Variants in ARHGAP15 observed in about 807,000 individuals in gnomAD.
ARHGAP15 encodes rho GTPase-activating protein 15.
In ARHGAP15, 51 loss-of-function variants were observed where a neutral mutation model predicts 63.7. The ratio of observed to expected loss-of-function variants is 0.80; its 90% CI spans 0.64 to 1.01. ARHGAP15 has a LOEUF of 1.01. Ranked by LOEUF, ARHGAP15 falls within the 50% of genes least tolerant of loss-of-function variation. ARHGAP15 has a pLI of 0.00. For synonymous variants in ARHGAP15, 191 were observed against 193.8 expected, an observed-to-expected ratio of 0.99 and a Z score of 0.12; for missense variants, 560 against 564.6, an observed-to-expected ratio of 0.99 and a Z score of 0.08.
chr2:143,453,797 C>CA (rs1690518809), intron 8 of ARHGAP15, among the ~76,000 whole-genome samples: 1 of 142,530 alleles, frequency 7.0e-6, no homozygotes. Context: ...TTTATCCAAT[C>CA]GGAAAAAAAA....
intron 6 of ARHGAP15, among the ~76,000 whole-genome samples, chr2:143,388,189 A>G (rs950685078): frequency 2.6e-5 from 4 of 152,340 alleles, no homozygotes; most frequent in Non-Finnish European, 5.9e-5. Flanking sequence ...TAATATACAA[A>G]TACATCATTT....
At chr2:143,379,160 A>C (rs187932511) in intron 6 of ARHGAP15, among the ~76,000 whole-genome samples, 42 of 152,074 alleles carry the variant, frequency 2.8e-4, no homozygotes, top group African/African-American at 9.6e-4. Flanking sequence ...GCATGCATAC[A>C]TGCCTTCCAT....
intron 6 of ARHGAP15, among the ~76,000 whole-genome samples, chr2:143,276,828 C>A (rs1039206758): frequency 6.6e-6 from 1 of 152,106 alleles, no homozygotes; most frequent in South Asian, 2.1e-4. Flanking sequence ...AACTTTAGTG[C>A]CTACCATAGT....
chr2:143,722,837 T>A (rs1401822575), intron 13 of ARHGAP15, among the ~76,000 whole-genome samples: 3 of 151,988 alleles, frequency 2.0e-5, no homozygotes, highest in Non-Finnish European at 4.4e-5. Context: ...GAGACCTGAG[T>A]GCAGGGTGGG....
chr2:143,269,240 C>G (rs1408514783), intron 6 of ARHGAP15, among the ~76,000 whole-genome samples: 2 of 151,970 alleles, frequency 1.3e-5, no homozygotes, highest in Non-Finnish European at 2.9e-5. Flanking sequence ...GGAGAGCGGT[C>G]AGAGATAAAG....
At chr2:143,586,084 C>T (rs1005623332) in intron 11 of ARHGAP15, among the ~76,000 whole-genome samples, 3 of 152,100 alleles carry the variant, frequency 2.0e-5, no homozygotes, top group African/African-American at 7.2e-5. Flanking sequence ...AAATTTTGCA[C>T]ACTTTTTCAT....
intron 13 of ARHGAP15, among the ~76,000 whole-genome samples, chr2:143,726,371 G>A (rs565461872): frequency 7.9e-5 from 12 of 151,212 alleles, no homozygotes; most frequent in Admixed American, 5.9e-4. Flanking sequence ...CTAAAGTAGC[G>A]TCTTTCTGTC....
chr2:143,322,870 T>A lies in ARHGAP15; in HGVS notation c.474+72270T>A, dbSNP rs76364756. ...GTTTAATGTTGTAAGTAAGCAACAC[T>A]ATTCCATTTGCAATGATATGAACTT... On this transcript the variant is annotated intron_variant, in intron 6 of 13. Coordinates refer to ENST00000295095, the MANE Select transcript of ARHGAP15 (RefSeq NM_018460.4). 5.2e-3 allele frequency among the ~76,000 whole-genome samples: 793 copies of A among 152,388 alleles called. 8 individuals carry two copies. The highest frequency in any genetic ancestry group is 0.018 in the African/African-American group (736 of 41,592).
chr2:143,253,282 A>T (rs771459837), intron 6 of ARHGAP15, among the ~76,000 whole-genome samples: 11 of 143,900 alleles, frequency 7.6e-5, no homozygotes, highest in Non-Finnish European at 1.3e-4. Flanking sequence ...CTTAAAATGA[A>T]TAGGAAAACA....
chr2:143,147,835 C>A (rs757703866), intron 1 of ARHGAP15, among the ~76,000 whole-genome samples: 1 of 151,972 alleles, frequency 6.6e-6, no homozygotes, highest in Non-Finnish European at 1.5e-5. Flanking sequence ...TTAATGTTTA[C>A]AAATAGATAC....
chr2:143,546,756 T>C (rs1287174197), intron 10 of ARHGAP15, among the ~76,000 whole-genome samples: 1 of 152,128 alleles, frequency 6.6e-6, no homozygotes, highest in Non-Finnish European at 1.5e-5. Flanking sequence ...AGCGTAACAG[T>C]AGAACTACAA....
At chr2:143,752,868 G>A (rs557808161) in intron 13 of ARHGAP15, among the ~76,000 whole-genome samples, 1 of 152,268 alleles carries the variant, frequency 6.6e-6, no homozygotes, top group South Asian at 2.1e-4. Flanking sequence ...CCAGAGCAGT[G>A]GCTCACACCT....
At chr2:143,209,661 T>C (rs924310096) in intron 3 of ARHGAP15, among the ~76,000 whole-genome samples, 10 of 151,426 alleles carry the variant, frequency 6.6e-5, no homozygotes, top group Admixed American at 2.0e-4. Flanking sequence ...ATTGATGGAG[T>C]TTGCCAAGCA....
chr2:143,356,298 T>G (rs1685808498), intron 6 of ARHGAP15, among the ~76,000 whole-genome samples: 1 of 152,170 alleles, frequency 6.6e-6, no homozygotes, highest in Non-Finnish European at 1.5e-5. Flanking sequence ...ATGCTAATTC[T>G]GCTTTCTAAT....
At chr2:143,382,014 T>G (rs897867987) in intron 6 of ARHGAP15, among the ~76,000 whole-genome samples, 9 of 152,118 alleles carry the variant, frequency 5.9e-5, no homozygotes, top group Non-Finnish European at 7.4e-5. Context: ...CTCTTGATGC[T>G]TTTGCTTTTT....
chr2:143,753,890 G>T (rs967469260), intron 13 of ARHGAP15, among the ~76,000 whole-genome samples: 5 of 152,092 alleles, frequency 3.3e-5, no homozygotes, highest in African/African-American at 1.2e-4. Flanking sequence ...ACAATTACAG[G>T]CCCTTAAGTT....
intron 2 of ARHGAP15, among the ~76,000 whole-genome samples, chr2:143,173,883 A>G (rs1427433300): frequency 6.6e-6 from 1 of 152,126 alleles, no homozygotes; most frequent in Non-Finnish European, 1.5e-5. Flanking sequence ...AAAAAATCCC[A>G]CAAGAAACGT....
intron 6 of ARHGAP15, among the ~76,000 whole-genome samples, chr2:143,394,505 C>A (rs1322102099): frequency 6.6e-6 from 1 of 152,172 alleles, no homozygotes; most frequent in East Asian, 1.9e-4. Flanking sequence ...AAGTCACCAA[C>A]CCAGAGGGAT....
chr2:143,308,430 A>G (rs575758687), intron 6 of ARHGAP15, among the ~76,000 whole-genome samples: 10 of 152,042 alleles, frequency 6.6e-5, no homozygotes, highest in African/African-American at 2.4e-4. Flanking sequence ...TCTATTCTTT[A>G]AAATCAAGGG....
Sources: allele counts gnomAD v4.1 joint callset (sites outside exome capture counted in the v4.1 genomes callset), GRCh38; gene constraint gnomAD v4.1.1; transcripts MANE v1.5; gene names NCBI Gene and HGNC (gene_info 2026-07-23, HGNC 2026-07-21).